The following CNTNAP2 variants were observed in gnomAD, a reference collection of about 807,000 sequenced individuals.
CNTNAP2 encodes the protein contactin associated protein 2.
A neutral mutation model predicts 155.2 loss-of-function variants in CNTNAP2; 98 were observed. That is an observed-to-expected ratio of 0.63 (90% confidence interval 0.54 to 0.75). CNTNAP2 has a LOEUF of 0.75. Ranked by LOEUF, CNTNAP2 falls within the 30% of genes least tolerant of loss-of-function variation. The probability of loss-of-function intolerance (pLI) is 0.00; values close to 1 mark genes in which losing one functional copy is unlikely to be tolerated. For synonymous variants in CNTNAP2, 651 were observed against 631.2 expected, an observed-to-expected ratio of 1.03 and a Z score of -0.47; for missense variants, 1,727 against 1,688.1, an observed-to-expected ratio of 1.02 and a Z score of -0.40.
At chr7:146,595,343 T>C (rs926959397) in intron 1 of CNTNAP2, among the ~76,000 whole-genome samples, 1 of 152,100 alleles carries the variant, frequency 6.6e-6, no homozygotes, top group African/African-American at 2.4e-5. Flanking sequence ...AATCTAGTTA[T>C]TGAGTTATAT....
At chr7:146,645,897 C>T (rs1185596738) in intron 1 of CNTNAP2, among the ~76,000 whole-genome samples, 1 of 152,072 alleles carries the variant, frequency 6.6e-6, no homozygotes, top group Non-Finnish European at 1.5e-5. Flanking sequence ...TAATATACTT[C>T]AAAATGAGCA....
At chr7:146,455,600 TA>T (rs1345614094) in intron 1 of CNTNAP2, among the ~76,000 whole-genome samples, 1 of 152,204 alleles carries the variant, frequency 6.6e-6, no homozygotes, top group Admixed American at 6.5e-5. Flanking sequence ...ATTCTATACA[TA>T]ATGTTTATAA....
intron 15 of CNTNAP2, among the ~76,000 whole-genome samples, chr7:148,062,008 T>TAAACA (rs201856851): frequency 1.3e-5 from 1 of 78,594 alleles, no homozygotes; most frequent in East Asian, 3.6e-4. Context: ...GATAGATAGA[T>TAAACA]GATAGAGAGA....
chr7:148,247,620 TCTCTC>T lies in CNTNAP2; in HGVS notation c.3381+17842_3381+17846del, dbSNP rs1210360010. Among the ~76,000 whole-genome samples the T allele has an allele frequency of 2.7e-3, 375 of 139,304 alleles. 2 individuals are homozygous for T. Among genetic ancestry groups the T allele is most frequent in the African/African-American group, 9.0e-3 (311 of 34,460 alleles). The allele number at this position is 139,304 out of a possible 152,430, so 91.4% of individuals were successfully genotyped here. A position where few individuals can be genotyped will look rare whatever the true frequency, so the allele number is the denominator to read the frequency against. On this transcript the variant is annotated intron_variant, in intron 20 of 23. Transcript: ENST00000361727. ...TTCTCTCTCTCTCTCTCTCTCTCTC[TCTCTC>T]TATTTATTTATTTATTTATTTATTT...
chr7:147,365,395 A>C (rs867059594), intron 9 of CNTNAP2, among the ~76,000 whole-genome samples: 14 of 149,386 alleles, frequency 9.4e-5, no homozygotes, highest in East Asian at 3.9e-4. Flanking sequence ...AAAAAAAAAA[A>C]AAAAAAAAAA....
At chr7:147,071,417 T>C in intron 4 of CNTNAP2, among the ~76,000 whole-genome samples, 1 of 151,964 alleles carries the variant, frequency 6.6e-6, no homozygotes, top group East Asian at 1.9e-4. Context: ...AAGCAGGAGA[T>C]GCATCCCTCT....
At chr7:148,309,424 G>A (rs962203043) in intron 21 of CNTNAP2, among the ~76,000 whole-genome samples, 10 of 152,128 alleles carry the variant, frequency 6.6e-5, no homozygotes, top group Non-Finnish European at 1.0e-4. Context: ...TTTCACTCAC[G>A]TCTGTGTGAA....
intron 20 of CNTNAP2, among the ~76,000 whole-genome samples, chr7:148,264,932 A>T (rs1041204569): frequency 2.6e-5 from 4 of 152,092 alleles, no homozygotes; most frequent in Non-Finnish European, 5.9e-5. Flanking sequence ...TGATCTCATG[A>T]TCCACCCACC....
intron 13 of CNTNAP2, among the ~76,000 whole-genome samples, chr7:147,886,967 A>G (rs1232143293): frequency 1.3e-5 from 2 of 152,222 alleles, no homozygotes; most frequent in African/African-American, 4.8e-5. Flanking sequence ...TCTGTTAGGC[A>G]GAATGTCACA....
At chr7:147,024,531 T>G (rs2129247776) in intron 3 of CNTNAP2, among the ~76,000 whole-genome samples, 1 of 152,292 alleles carries the variant, frequency 6.6e-6, no homozygotes, top group East Asian at 1.9e-4. Context: ...TGAGACTGGG[T>G]AAATTATAAA....
chr7:147,774,481 C>A (rs1175023297), intron 13 of CNTNAP2, among the ~76,000 whole-genome samples: 2 of 152,112 alleles, frequency 1.3e-5, no homozygotes, highest in Non-Finnish European at 2.9e-5. Context: ...GAATGTTTGT[C>A]CCACCCCACC....
intron 9 of CNTNAP2, among the ~76,000 whole-genome samples, chr7:147,349,927 T>C (rs985623327): frequency 2.6e-5 from 4 of 151,964 alleles, no homozygotes; most frequent in Non-Finnish European, 5.9e-5. Context: ...CTGGCTATTA[T>C]TTCATAGTTA....
intron 10 of CNTNAP2, among the ~76,000 whole-genome samples, chr7:147,479,205 C>A (rs1472641555): frequency 6.6e-6 from 1 of 152,248 alleles, no homozygotes; most frequent in Non-Finnish European, 1.5e-5. Flanking sequence ...TCTAAACTTT[C>A]TTTCAAAGAT....
At chr7:146,234,161 A>G (rs1444770685) in intron 1 of CNTNAP2, among the ~76,000 whole-genome samples, 4 of 150,336 alleles carry the variant, frequency 2.7e-5, no homozygotes, top group Non-Finnish European at 4.4e-5. Flanking sequence ...TGCCATTCTA[A>G]CTGGTGTGAG....
chr7:146,182,666 C>T (rs773160965), intron 1 of CNTNAP2, among the ~76,000 whole-genome samples: 1 of 152,164 alleles, frequency 6.6e-6, no homozygotes, highest in Non-Finnish European at 1.5e-5. Context: ...GCAGATTAAT[C>T]CTTTTCTAAC....
At chr7:148,299,614 C>T (rs927188261) in intron 21 of CNTNAP2, among the ~76,000 whole-genome samples, 2 of 152,230 alleles carry the variant, frequency 1.3e-5, no homozygotes, top group African/African-American at 4.8e-5. Context: ...ACTTTGCTTC[C>T]CTCGGGCCTC....
intron 1 of CNTNAP2, among the ~76,000 whole-genome samples, chr7:146,201,108 C>T (rs1798853246): frequency 6.6e-6 from 1 of 151,878 alleles, no homozygotes; most frequent in Non-Finnish European, 1.5e-5. Context: ...TAGACTTCAG[C>T]CAAAACTTTT....
At chr7:146,141,804 A>G (rs1401998659) in intron 1 of CNTNAP2, among the ~76,000 whole-genome samples, 1 of 152,192 alleles carries the variant, frequency 6.6e-6, no homozygotes, top group Non-Finnish European at 1.5e-5. Context: ...GCATCATTCC[A>G]TATAAGAAAA....
At chr7:146,547,031 G>A (rs890947266) in intron 1 of CNTNAP2, among the ~76,000 whole-genome samples, 7 of 151,910 alleles carry the variant, frequency 4.6e-5, no homozygotes, top group Non-Finnish European at 1.0e-4. Context: ...AGTCGTTTAG[G>A]TCGTAAGCAC....
Sources: gnomAD v4.1 joint callset for allele counts (sites outside exome capture counted in the v4.1 genomes callset) on GRCh38, gnomAD v4.1.1 for gene constraint, MANE v1.5 for transcripts, NCBI Gene and HGNC (gene_info 2026-07-23, HGNC 2026-07-21) for gene names.